Variants in CPPED1 observed in about 807,000 individuals in gnomAD.
CPPED1 encodes serine/threonine-protein phosphatase CPPED1.
CPPED1 carries 28 observed loss-of-function variants against 28.0 expected under a neutral mutation model. The observed-to-expected ratio is 1.00, with a 90% CI of 0.74 to 1.37. The LOEUF (loss-of-function observed/expected upper bound fraction) is 1.37. Ranked by LOEUF, CPPED1 falls within the 40% of genes most tolerant of loss-of-function variation. The pLI is 0.00. For synonymous variants in CPPED1, 198 were observed against 180.2 expected (o/e 1.10, Z -0.79); for missense variants, 504 against 416.5 (o/e 1.21, Z -1.83).
intron 2 of CPPED1, among the ~76,000 whole-genome samples, chr16:12,719,025 G>C (rs2080123308): frequency 6.6e-6 from 1 of 152,120 alleles, no homozygotes; most frequent in South Asian, 2.1e-4. Context: ...ATGGCAGAAG[G>C]TGAAAGGCAT....
At chr16:12,677,559 T>C (rs2079883941) in intron 3 of CPPED1, among the ~76,000 whole-genome samples, 1 of 152,188 alleles carries the variant, frequency 6.6e-6, no homozygotes, top group Non-Finnish European at 1.5e-5. Context: ...CGAGAATCAC[T>C]TGAACCTGGG....
At chr16:12,712,394 A>C (rs1361846793) in intron 2 of CPPED1, among the ~76,000 whole-genome samples, 1 of 152,228 alleles carries the variant, frequency 6.6e-6, no homozygotes, top group Non-Finnish European at 1.5e-5. Flanking sequence ...AATTGGAAAT[A>C]TCCATTTAAA....
chr16:12,670,415 C>G lies in CPPED1; in HGVS notation c.716-5300G>C, dbSNP rs1341095270. Among the ~76,000 whole-genome samples, 2 of 152,068 alleles carry G rather than the reference C, an allele frequency of 1.3e-5. No homozygotes were observed. The highest frequency in any genetic ancestry group is 4.8e-5 in the African/African-American group (2 of 41,464). On this transcript the variant is annotated intron_variant, in intron 3 of 3. Coordinates refer to ENST00000381774, the MANE Select transcript of CPPED1 (RefSeq NM_018340.3). The surrounding 1 kb of genome is among the most constrained non-coding windows in gnomAD (Gnocchi z 4.2). The stretch of plus-strand genomic sequence containing the variant: ...AGTAACAAATAAATGACACAGACAC[C>G]CCACCCTCTAGGAAGTAGTGCATCT...
chr16:12,764,787 ATGCCTCATGACTC>A (rs1294866954), intron 2 of CPPED1, among the ~76,000 whole-genome samples: 1 of 152,158 alleles, frequency 6.6e-6, no homozygotes, highest in African/African-American at 2.4e-5. Flanking sequence ...GTACCTCTTG[ATGCCTCATGACTC>A]TGCCTGTCTA....
At chr16:12,688,407 A>C (rs1596446362) in intron 3 of CPPED1, among the ~76,000 whole-genome samples, 1 of 143,596 alleles carries the variant, frequency 7.0e-6, no homozygotes, top group Non-Finnish European at 1.5e-5. Flanking sequence ...ATTTTCGCTC[A>C]TTGCAACCTC....
At chr16:12,768,084 C>A (rs565564959) in intron 2 of CPPED1, among the ~76,000 whole-genome samples, 2 of 152,176 alleles carry the variant, frequency 1.3e-5, no homozygotes, top group Non-Finnish European at 2.9e-5. Context: ...CTCTTAGATA[C>A]GGATAAGATG....
intron 1 of CPPED1, among the ~76,000 whole-genome samples, chr16:12,793,901 C>T (rs1386965003): frequency 6.6e-6 from 1 of 152,200 alleles, no homozygotes; most frequent in African/African-American, 2.4e-5. Context: ...CGCCTGCAGG[C>T]TTTCTAGCTA....
At chr16:12,719,848 A>G (rs747040213) in intron 2 of CPPED1, among the ~76,000 whole-genome samples, 1 of 152,094 alleles carries the variant, frequency 6.6e-6, no homozygotes, top group Non-Finnish European at 1.5e-5. Flanking sequence ...AGGCAGGAGA[A>G]TTGCTTGAAC....
At chr16:12,665,150 G>A in intron 3 of CPPED1, 35 bp from the exon 4 acceptor site, 1 of 1,573,436 alleles carries the variant, frequency 6.4e-7, no homozygotes, top group Non-Finnish European at 8.6e-7. Flanking sequence ...AGGGGGCCGA[G>A]GACTTCCATT....
intron 2 of CPPED1, among the ~76,000 whole-genome samples, chr16:12,776,185 A>C (rs2080496743): frequency 6.6e-6 from 1 of 152,142 alleles, no homozygotes. Context: ...AGACGGGAGA[A>C]AAGGTGCAAT....
At chr16:12,741,573 G>T (rs1045847631) in intron 2 of CPPED1, among the ~76,000 whole-genome samples, 3 of 152,210 alleles carry the variant, frequency 2.0e-5, no homozygotes, top group African/African-American at 7.2e-5. Context: ...TGGTTGAAGA[G>T]TAGGTTGGGT....
rs140412006 is a variant in CPPED1, at chr16:12,786,240, C to T, written c.71-4837G>A. 2.2e-3 allele frequency among the ~76,000 whole-genome samples: 339 copies of T among 152,272 alleles called. 1 individual carries two copies. Among genetic ancestry groups the T allele is most frequent in the African/African-American group, 8.0e-3 (332 of 41,566 alleles). On this transcript the variant is annotated intron_variant, in intron 1 of 3. Coordinates refer to ENST00000381774, the MANE Select transcript of CPPED1 (RefSeq NM_018340.3). ...CAGAATCTCTGGCCCCAGCCCAGAT[C>T]CACTGGGTGAGGATCTGCATTTTAC... is the stretch of plus-strand genomic sequence containing the variant.
chr16:12,771,344 T>C (rs1022173578), intron 2 of CPPED1, among the ~76,000 whole-genome samples: 2 of 152,250 alleles, frequency 1.3e-5, no homozygotes, highest in African/African-American at 4.8e-5. Context: ...ACTGGGTGCC[T>C]ACCATGTGCT....
At chr16:12,674,177 G>A (rs1403922545) in intron 3 of CPPED1, among the ~76,000 whole-genome samples, 1 of 152,110 alleles carries the variant, frequency 6.6e-6, no homozygotes, top group Admixed American at 6.5e-5. Context: ...GCCTTCTGAG[G>A]TCCTGCATGA....
In CPPED1 at chr16:12,664,503, T is replaced by C. The variant is rs2079813818; in HGVS notation, c.*383A>G. ...CAGGTGTAGTTTGTTTAAGGAATTA[T>C]CAAAGATCATACTTGGCTGTCAGAT... On this transcript the variant is annotated 3_prime_UTR_variant, in exon 4 of 4. Coordinates refer to ENST00000381774, the MANE Select transcript of CPPED1 (RefSeq NM_018340.3). This position sits in a 1 kb window ranked among gnomAD's most constrained non-coding sequence, Gnocchi z 4.2. 1.9e-6 allele frequency: 2 copies of C among 1,061,648 alleles called. No homozygotes were observed. Among genetic ancestry groups the C allele is most frequent in the Non-Finnish European group, 2.3e-6 (2 of 878,696 alleles). The allele number at this position is 1,061,648 out of a possible 1,614,324, so 65.8% of individuals were successfully genotyped here.
intron 2 of CPPED1, among the ~76,000 whole-genome samples, chr16:12,743,674 G>A (rs1268581415): frequency 6.6e-6 from 1 of 152,206 alleles, no homozygotes; most frequent in Admixed American, 6.5e-5. Flanking sequence ...AACAGAGAAT[G>A]CAGAGAAATG....
chr16:12,717,997 G>A (rs1480192980), intron 2 of CPPED1, among the ~76,000 whole-genome samples: 1 of 152,188 alleles, frequency 6.6e-6, no homozygotes, highest in Non-Finnish European at 1.5e-5. Flanking sequence ...TCCCATCTGG[G>A]TTAACCCAGT....
intron 2 of CPPED1, among the ~76,000 whole-genome samples, chr16:12,762,740 T>C (rs1015177621): frequency 1.3e-5 from 2 of 152,070 alleles, no homozygotes; most frequent in African/African-American, 4.8e-5. Context: ...TCTGGGTTGA[T>C]AAAAATGTTT....
chr16:12,729,048 G>A (rs182798574), intron 2 of CPPED1, among the ~76,000 whole-genome samples: 2 of 152,278 alleles, frequency 1.3e-5, no homozygotes, highest in Non-Finnish European at 2.9e-5. Flanking sequence ...GTGTCTGTGA[G>A]TCCTCCTTGC....
Sources: gnomAD v4.1 joint callset for allele counts (sites outside exome capture counted in the v4.1 genomes callset) on GRCh38, gnomAD v4.1.1 for gene constraint, Gnocchi (gnomAD v3.1) non-coding constraint, MANE v1.5 for transcripts, NCBI Gene and HGNC (gene_info 2026-07-23, HGNC 2026-07-21) for gene names.